Variants in DLEU7 observed in about 807,000 individuals in gnomAD.
The protein encoded by DLEU7 is deleted in lymphocytic leukemia 7.
In DLEU7, 17 loss-of-function variants were observed where a neutral mutation model predicts 16.0. That is an observed-to-expected ratio of 1.06 (90% CI 0.73 to 1.59). The LOEUF is 1.59. Ranked by LOEUF, DLEU7 falls within the 40% of genes most tolerant of loss-of-function variation. The pLI is 0.00. For synonymous variants in DLEU7, 113 were observed against 139.8 expected, an observed-to-expected ratio of 0.81 and a Z score of 1.35; for missense variants, 308 against 314.9, an observed-to-expected ratio of 0.98 and a Z score of 0.17.
At chr13:50,774,055 G>A (rs1011283518) in intron 1 of DLEU7, among the ~76,000 whole-genome samples, 1 of 152,202 alleles carries the variant, frequency 6.6e-6, no homozygotes, top group African/African-American at 2.4e-5. Flanking sequence ...GGCTCTGTGG[G>A]CATGGAACCC....
rs530752287 is a variant in DLEU7 at position 50,843,267 on chromosome 13, G to A, written c.380C>T (p.Ser127Leu). The A allele has an allele frequency of 1.9e-6, 3 of 1,591,044 alleles. No individual in the cohort carries two copies. Among genetic ancestry groups the A allele is most frequent in the South Asian group, 2.2e-5 (2 of 89,854 alleles). ...MRSALARVVDSTSELVSVEQT... is the reference protein window; with the variant it reads ...MRSALARVVDLTSELVSVEQT... The stretch of plus-strand genomic sequence containing the variant: ...CTCCACGCTGACCAGCTCCGAAGTC[G>A]AGTCCACCACGCGGGCCAGCGCGCT... The change falls in exon 1 of 2, where the codon TCG becomes TTG. Residue 127 changes from serine (S) to leucine (L), a missense_variant. Transcript: ENST00000504404. This position sits in a 1 kb window ranked among gnomAD's most constrained non-coding sequence, Gnocchi z 5.7.
intron 1 of DLEU7, among the ~76,000 whole-genome samples, chr13:50,778,669 G>A (rs1875570088): frequency 6.6e-6 from 1 of 152,192 alleles, no homozygotes; most frequent in South Asian, 2.1e-4. Context: ...TCCACACATA[G>A]TGCCAGCTCT....
chr13:50,738,057 A>G (rs1325124132), intron 1 of DLEU7, among the ~76,000 whole-genome samples: 1 of 152,166 alleles, frequency 6.6e-6, no homozygotes, highest in Non-Finnish European at 1.5e-5. Flanking sequence ...TGGATAGTAA[A>G]TCAAACCATC....
chr13:50,811,312 G>A (rs547636237), intron 1 of DLEU7, among the ~76,000 whole-genome samples: 2 of 152,254 alleles, frequency 1.3e-5, no homozygotes, highest in Admixed American at 1.3e-4. Flanking sequence ...AGTAACCAGA[G>A]AGGTGAGAGG....
intron 1 of DLEU7, among the ~76,000 whole-genome samples, chr13:50,757,026 G>A (rs1044239655): frequency 6.6e-6 from 1 of 152,164 alleles, no homozygotes; most frequent in African/African-American, 2.4e-5. Flanking sequence ...GGAGCGGAGG[G>A]TTTCCCTTTC....
At position 50,767,231 on chromosome 13, in the gene DLEU7, A is replaced by G. The variant is rs982422877; in HGVS notation, c.460-53991T>C. ...AGCACTTTGGGAGGCCGAGGCGGGC[A>G]GATCATGAGGTCAGGAGATCGAGAC... On this transcript the variant is annotated intron_variant, in intron 1 of 1. Transcript: ENST00000400393. Among the ~76,000 whole-genome samples, 21 of 152,038 alleles carry G rather than the reference A, an allele frequency of 1.4e-4. 1 individual carries two copies. Among genetic ancestry groups the G allele is most frequent in the African/African-American group, 4.6e-4 (19 of 41,384 alleles).
At chr13:50,794,990 C>T (rs1226389823) in intron 1 of DLEU7, among the ~76,000 whole-genome samples, 1 of 151,728 alleles carries the variant, frequency 6.6e-6, no homozygotes, top group Non-Finnish European at 1.5e-5. Flanking sequence ...TTGGTGACGG[C>T]TAGGCTGACA....
At chr13:50,805,506 G>A (rs1876362144) in intron 1 of DLEU7, among the ~76,000 whole-genome samples, 1 of 151,616 alleles carries the variant, frequency 6.6e-6, no homozygotes, top group African/African-American at 2.4e-5. Context: ...TTATTATTTT[G>A]ATTTTCTTCT....
chr13:50,794,421 C>G (rs1341403987), intron 1 of DLEU7, among the ~76,000 whole-genome samples: 2 of 151,984 alleles, frequency 1.3e-5, no homozygotes, highest in Admixed American at 6.6e-5. Context: ...AAAGGGGAAG[C>G]TGAAAAATTA....
At chr13:50,738,957 A>G (rs921313511) in intron 1 of DLEU7, among the ~76,000 whole-genome samples, 8 of 141,330 alleles carry the variant, frequency 5.7e-5, no homozygotes, top group Non-Finnish European at 1.2e-4. Flanking sequence ...GCCTCTAAAA[A>G]ATAATACACA....
intron 1 of DLEU7, among the ~76,000 whole-genome samples, chr13:50,722,380 C>G (rs1873647186): frequency 6.6e-6 from 1 of 152,184 alleles, no homozygotes; most frequent in Non-Finnish European, 1.5e-5. Context: ...ACACTATACC[C>G]TTTTCTAATC....
intron 1 of DLEU7, among the ~76,000 whole-genome samples, chr13:50,791,780 C>CA (rs998850410): frequency 7.1e-4 from 108 of 151,780 alleles, no homozygotes; most frequent in Non-Finnish European, 1.1e-3. Flanking sequence ...TGACAAAAAC[C>CA]AAAAAAAATC....
At chr13:50,794,596 CTACTTG>C (rs1876057600) in intron 1 of DLEU7, among the ~76,000 whole-genome samples, 1 of 152,168 alleles carries the variant, frequency 6.6e-6, no homozygotes, top group Non-Finnish European at 1.5e-5. Flanking sequence ...GGCTGACTTG[CTACTTG>C]TACTTGTGCT....
At chr13:50,791,674 A>G (rs1274408073) in intron 1 of DLEU7, among the ~76,000 whole-genome samples, 1 of 152,178 alleles carries the variant, frequency 6.6e-6, no homozygotes, top group Non-Finnish European at 1.5e-5. Context: ...TCTTTAAGGA[A>G]AAATCCTCCC....
chr13:50,815,273 A>G (rs1876697344), intron 1 of DLEU7, among the ~76,000 whole-genome samples: 1 of 152,180 alleles, frequency 6.6e-6, no homozygotes, highest in Admixed American at 6.5e-5. Context: ...ATTACTTACA[A>G]TTGCACGTCA....
downstream of DLEU7, among the ~76,000 whole-genome samples, chr13:50,820,711 C>A (rs948887050): frequency 6.6e-6 from 1 of 152,050 alleles, no homozygotes; most frequent in Admixed American, 6.6e-5. Context: ...AGTGAATTAT[C>A]TAGTGGATTT....
chr13:50,737,745 G>T (rs542161471), intron 1 of DLEU7, among the ~76,000 whole-genome samples: 2 of 152,106 alleles, frequency 1.3e-5, no homozygotes, highest in South Asian at 4.2e-4. Context: ...CAACAATATT[G>T]CAGTAAAGCC....
intron 1 of DLEU7, among the ~76,000 whole-genome samples, chr13:50,771,221 G>T (rs1875297777): frequency 6.6e-6 from 1 of 151,946 alleles, no homozygotes; most frequent in African/African-American, 2.4e-5. Flanking sequence ...CCAGCTCCTG[G>T]ATTCATTGAT....
rs576678137 is a variant in DLEU7 at position 50,804,344 on chromosome 13, A to G, written c.459+38844T>C. ...ATACTGAGTTTCCCTCACCAAGAAT[A>G]TAATATACTTTTATATCTGTTCAAG... On this transcript the variant is annotated intron_variant, in intron 1 of 1. Coordinates refer to the DLEU7 transcript ENST00000400393. Among the ~76,000 whole-genome samples, 4 of 152,094 alleles carry G rather than the reference A, an allele frequency of 2.6e-5. No homozygotes were observed. The East Asian group carries it at 7.7e-4, about 29-fold the overall frequency.
Sources: allele counts gnomAD v4.1 joint callset (sites outside exome capture counted in the v4.1 genomes callset), GRCh38; gene constraint gnomAD v4.1.1; non-coding constraint Gnocchi (gnomAD v3.1); transcripts MANE v1.5; gene names NCBI Gene and HGNC (gene_info 2026-07-23, HGNC 2026-07-21).